Variants in WDR31 observed in about 807,000 individuals in gnomAD.
WDR31 encodes the protein WD repeat-containing protein 31.
WDR31 carries 30 observed loss-of-function variants against 47.3 expected under a neutral mutation model. That is an observed-to-expected ratio of 0.63 (90% confidence interval 0.47 to 0.86). WDR31 has a LOEUF of 0.86. Ranked by LOEUF, WDR31 falls within the 40% of genes least tolerant of loss-of-function variation. WDR31 has a pLI of 0.00. For synonymous variants in WDR31, 137 were observed against 159.4 expected, an observed-to-expected ratio of 0.86 and a Z score of 1.06; for missense variants, 406 against 442.9, an observed-to-expected ratio of 0.92 and a Z score of 0.75.
At chr9:113,317,709 T>C (rs1424409806) in intron 10 of WDR31, among the ~76,000 whole-genome samples, 1 of 152,176 alleles carries the variant, frequency 6.6e-6, no homozygotes, top group Non-Finnish European at 1.5e-5. Flanking sequence ...TAGGACAGAT[T>C]TGGTTTAAAG....
At chr9:113,327,152 T>A (rs928705709) in intron 5 of WDR31, among the ~76,000 whole-genome samples, 2 of 152,216 alleles carry the variant, frequency 1.3e-5, no homozygotes, top group Non-Finnish European at 2.9e-5. Flanking sequence ...ATTTTTTCAA[T>A]TTCTTGTTTC....
chr9:113,328,978 T>G, intron 4 of WDR31, 23 bp from the exon 5 acceptor site: 1 of 1,598,788 alleles, frequency 6.3e-7, no homozygotes, highest in Non-Finnish European at 8.6e-7. Flanking sequence ...AAGATTGTAG[T>G]TTCATTACTC....
chr9:113,325,037 C>T (rs1833430202), intron 5 of WDR31, among the ~76,000 whole-genome samples: 1 of 152,038 alleles, frequency 6.6e-6, no homozygotes, highest in African/African-American at 2.4e-5. Flanking sequence ...CCTCTGCCTC[C>T]CAGGTTCAAG....
Position 113,321,513 on chromosome 9 carries a change from G to A in WDR31, c.636C>T (p.Leu212=). ...TCACAGCTGCTCAGTAAGCCCACCT[G>A]AGGGTTTTATCTTCAGAGGTCTGTA... ...YILQTSEDKT[L]RLWDSRGLQV... The change falls in exon 8 of 11, where the codon CTC becomes CTT. Residue 212 remains leucine (L), a splice_region_variant and synonymous_variant. Transcript: ENST00000374193. 1.9e-6 allele frequency: 3 copies of A among 1,614,114 alleles called. No individual in the cohort carries two copies. The highest frequency in any genetic ancestry group is 2.2e-5 in the South Asian group (2 of 91,066).
At chr9:113,321,135 G>C (rs1265174102) in intron 8 of WDR31, among the ~76,000 whole-genome samples, 1 of 152,216 alleles carries the variant, frequency 6.6e-6, no homozygotes, top group Non-Finnish European at 1.5e-5. Context: ...TCAGCTGAAG[G>C]CTGGGTGACT....
chr9:113,320,235 CT>C (rs1240389802), intron 9 of WDR31, 121 bp downstream of exon 9: 2 of 1,302,458 alleles, frequency 1.5e-6, no homozygotes, highest in South Asian at 1.5e-5. Context: ...TCACAGTATG[CT>C]TTTGAAAGAG....
Position 113,313,656 on chromosome 9 carries a change from G to A in WDR31, c.*3093C>T, listed in dbSNP as rs1186154437. 6.6e-6 allele frequency: 1 copy of A among 152,192 alleles called. No individual in the cohort carries two copies. The highest frequency in any genetic ancestry group is 1.5e-5 in the Non-Finnish European group (1 of 68,044). 9.4% of individuals were successfully genotyped at this position (152,192 alleles called of 1,614,324 possible). On this transcript the variant is annotated 3_prime_UTR_variant, in exon 11 of 11. Transcript: ENST00000374193. ...TGTGACTTTGGGCAAAGTACTGCAT[G>A]TTTCTAGCCCTCAGCTTCCTCATCT... is the stretch of plus-strand genomic sequence containing the variant.
Position 113,314,125 on chromosome 9 carries a change from A to G in WDR31, c.*2624T>C, listed in dbSNP as rs532552931. On this transcript the variant is annotated 3_prime_UTR_variant, in exon 11 of 11. Coordinates refer to ENST00000374193, the MANE Select transcript of WDR31 (RefSeq NM_001012361.4). ...CAGCGAGCCGAGATTGCACCACTGC[A>G]CTCCAGCCTGGGCGACAGAGCAAGA... 4.9e-4 allele frequency: 62 copies of G among 126,372 alleles called. No homozygotes were observed. The highest frequency in any genetic ancestry group is 1.9e-3 in the African/African-American group (61 of 32,906). The allele number at this position is 126,372 out of a possible 1,614,324, so 7.8% of individuals were successfully genotyped here. A position where few individuals can be genotyped will look rare whatever the true frequency, so the allele number is the denominator to read the frequency against.
intron 1 of WDR31, among the ~76,000 whole-genome samples, chr9:113,337,305 ATTTAT>A (rs200716536): frequency 0.011 from 1,742 of 152,238 alleles, 36 homozygotes; most frequent in African/African-American, 0.039. Flanking sequence ...TATGTTTTAT[ATTTAT>A]TAACTCATTT....
chr9:113,322,401 T>A (rs763183086), intron 7 of WDR31, among the ~76,000 whole-genome samples: 24 of 152,230 alleles, frequency 1.6e-4, no homozygotes, highest in Non-Finnish European at 2.9e-4. Flanking sequence ...ATGCAAATTC[T>A]ACATAAAGCA....
At chr9:113,320,537 T>C in intron 8 of WDR31, 39 bp from the exon 9 acceptor site, 2 of 1,603,868 alleles carry the variant, frequency 1.2e-6, no homozygotes, top group Non-Finnish European at 1.7e-6. Flanking sequence ...TTGTAGTAAA[T>C]GTGGCTGAAA....
chr9:113,321,635 T>C, intron 7 of WDR31, 57 bp from the exon 8 acceptor site: 1 of 1,530,334 alleles, frequency 6.5e-7, no homozygotes, highest in Non-Finnish European at 9.0e-7. Flanking sequence ...TCTGCTGTAA[T>C]TCCTGTCAAA....
intron 3 of WDR31, 49 bp from the exon 4 acceptor site, chr9:113,331,165 GGGGT>G: frequency 1.6e-6 from 2 of 1,252,604 alleles, no homozygotes; most frequent in Non-Finnish European, 2.2e-6. Flanking sequence ...GGAGTGGATG[GGGGT>G]GGGGTGGGGT....
chr9:113,314,093 G>C lies in WDR31; in HGVS notation c.*2656C>G, dbSNP rs1387948249. The C allele has an allele frequency of 7.1e-6, 1 of 139,930 alleles. No individual in the cohort carries two copies. The highest frequency in any genetic ancestry group is 7.6e-5 in the Admixed American group (1 of 13,168). The allele number at this position is 139,930 out of a possible 1,614,324, so 8.7% of individuals were successfully genotyped here. A position where few individuals can be genotyped will look rare whatever the true frequency, so the allele number is the denominator to read the frequency against. Reference sequence around the variant, plus strand: ...GAGAATGGCGTCAACCCGGGAGGCGGAGCTTGCAGCGAGCCGAGATTGCAC... The same window carrying C: ...GAGAATGGCGTCAACCCGGGAGGCGCAGCTTGCAGCGAGCCGAGATTGCAC... On this transcript the variant is annotated 3_prime_UTR_variant, in exon 11 of 11. Transcript: ENST00000374193.
At position 113,316,416 on chromosome 9, in the gene WDR31, C is replaced by T; in HGVS notation, c.*333G>A. 5.0e-6 allele frequency: 1 copy of T among 201,972 alleles called. No homozygotes were observed. The highest frequency in any genetic ancestry group is 1.0e-5 in the Non-Finnish European group (1 of 99,616). 12.5% of individuals were successfully genotyped at this position (201,972 alleles called of 1,614,324 possible). A position where few individuals can be genotyped will look rare whatever the true frequency, so the allele number is the denominator to read the frequency against. On this transcript the variant is annotated 3_prime_UTR_variant, in exon 11 of 11. Coordinates refer to ENST00000374193, the MANE Select transcript of WDR31 (RefSeq NM_001012361.4). ...CTCGAGCCCTGTGTTCTGACTTTCA[C>T]AGACAGAGGCCTGCCACTCTTACAT...
intron 5 of WDR31, 58 bp downstream of exon 5, chr9:113,328,823 T>C (rs1410339130): frequency 5.7e-6 from 8 of 1,397,950 alleles, no homozygotes; most frequent in African/African-American, 1.4e-5. Flanking sequence ...TATCTAGAAC[T>C]ATTAGCTATC....
chr9:113,318,724 C>A, intron 9 of WDR31, 87 bp from the exon 10 acceptor site: 1 of 1,422,858 alleles, frequency 7.0e-7, no homozygotes, highest in Non-Finnish European at 9.7e-7. Context: ...CATGATGCAC[C>A]TATTCCCTCC....
chr9:113,321,728 A>T, intron 7 of WDR31, 150 bp from the exon 8 acceptor site: 1 of 713,092 alleles, frequency 1.4e-6, no homozygotes, highest in Non-Finnish European at 2.4e-6. Context: ...TTTTGCAGAT[A>T]CCTATCAGTC....
At chr9:113,323,994 C>T (rs577942117) in intron 5 of WDR31, among the ~76,000 whole-genome samples, 25 of 152,230 alleles carry the variant, frequency 1.6e-4, no homozygotes, top group Middle Eastern at 3.4e-3. Flanking sequence ...CTTTGCTGAC[C>T]TACTCTTCCT....
Sources: gnomAD v4.1 joint callset for allele counts (sites outside exome capture counted in the v4.1 genomes callset) on GRCh38, gnomAD v4.1.1 for gene constraint, MANE v1.5 for transcripts, NCBI Gene and HGNC (gene_info 2026-07-23, HGNC 2026-07-21) for gene names.